Variants in MLC1 observed in about 807,000 individuals in gnomAD.
MLC1 encodes the protein membrane protein MLC1.
A neutral mutation model predicts 44.7 loss-of-function variants in MLC1; 32 were observed. That is an observed-to-expected ratio of 0.72 (90% CI 0.54 to 0.96). MLC1 has a LOEUF of 0.96. MLC1 is among the 40% of genes least tolerant of loss of function. MLC1 has a pLI of 0.00. For missense variants in MLC1, 459 were observed against 492.2 expected, an observed-to-expected ratio of 0.93 and a Z score of 0.64; for synonymous variants, 190 against 213.0, an observed-to-expected ratio of 0.89 and a Z score of 0.94.
intron 7 of MLC1, 34 bp downstream of exon 7, chr22:50,076,807 T>G: frequency 6.2e-7 from 1 of 1,602,610 alleles, no homozygotes; most frequent in African/African-American, 1.3e-5. Context: ...CGACAGAGTA[T>G]GAGAGAAAAG....
In MLC1 at chr22:50,066,517, G is replaced by A. The variant is rs576543177; in HGVS notation, c.894+1916C>T. 2.4e-4 allele frequency among the ~76,000 whole-genome samples: 37 copies of A among 152,250 alleles called. No homozygotes were observed. In the South Asian group the frequency reaches 6.6e-3, roughly 27 times the overall value. On this transcript the variant is annotated intron_variant, in intron 10 of 11. Coordinates refer to ENST00000311597, the MANE Select transcript of MLC1 (RefSeq NM_015166.4). ...TCTGCTAAAAGTACAAAAATTAGCC[G>A]GGTGTGTTGGCATATGCCTGTAATC...
At chr22:50,065,691 G>C (rs187150419) in intron 10 of MLC1, among the ~76,000 whole-genome samples, 6 of 152,322 alleles carry the variant, frequency 3.9e-5, no homozygotes, top group Admixed American at 2.6e-4. Context: ...CACCCTCTGT[G>C]GGGGGCTGTG....
At chr22:50,068,798 C>T (rs1012942052) in intron 9 of MLC1, among the ~76,000 whole-genome samples, 6 of 143,620 alleles carry the variant, frequency 4.2e-5, no homozygotes, top group Non-Finnish European at 3.0e-5. Flanking sequence ...ATGATCTTGG[C>T]TCACTGTAAC....
intron 11 of MLC1, among the ~76,000 whole-genome samples, chr22:50,062,861 G>T (rs1017542152): frequency 1.3e-5 from 2 of 152,218 alleles, no homozygotes; most frequent in East Asian, 1.9e-4. Flanking sequence ...TCGGTGGGGG[G>T]AAGACGCTGA....
chr22:50,084,818 C>T lies in MLC1; in HGVS notation c.85G>A (p.Ala29Thr). 6.2e-7 allele frequency: 1 copy of T among 1,613,986 alleles called. No homozygotes were observed. The highest frequency in any genetic ancestry group is 8.5e-7 in the Non-Finnish European group (1 of 1,180,044). ...ERGRQDPASY[A>T]PDAKPSDLQL... ...AGGTCGCTCGGCTTCGCGTCTGGGG[C>T]ATAGCTGGCGGGGTCTTGCCGGCCC... Residue 29 changes from alanine to threonine, a missense_variant, in exon 2 of 12, where the codon GCC becomes ACC. Coordinates refer to ENST00000311597, the MANE Select transcript of MLC1 (RefSeq NM_015166.4).
chr22:50,063,908 G>T, intron 11 of MLC1, 126 bp downstream of exon 11: 1 of 878,912 alleles, frequency 1.1e-6, no homozygotes, highest in Non-Finnish European at 1.6e-6. Flanking sequence ...CTCCCCGGCT[G>T]GGCACCCCTG....
At chr22:50,080,558 A>C (rs1001752423) in intron 3 of MLC1, among the ~76,000 whole-genome samples, 161 bp from the exon 4 acceptor site, 2 of 152,126 alleles carry the variant, frequency 1.3e-5, no homozygotes, top group Non-Finnish European at 2.9e-5. Context: ...GAAGGCCCCC[A>C]GGTACTTCTC....
At chr22:50,085,549 C>T (rs909932844), upstream of MLC1, 2 of 158,140 alleles carry the variant, frequency 1.3e-5, no homozygotes, top group Non-Finnish European at 2.8e-5. Flanking sequence ...TAAACCACTG[C>T]CTCGGAGCTG....
At position 50,079,945 on chromosome 22, in the gene MLC1, T is replaced by C. The variant is rs778038540; in HGVS notation, c.396A>G (p.Lys132=). 4.3e-6 allele frequency: 7 copies of C among 1,613,792 alleles called. No homozygotes were observed. Among genetic ancestry groups the C allele is most frequent in the Non-Finnish European group, 5.9e-6 (7 of 1,179,810 alleles). The part of the protein sequence containing the change: ...TTTCLIWFGC[K]LVLNPSAINI... ...TTATTGCTGATGGGTTCAGGACTAG[T>C]TTGCATCCAAACCAAATTAAACACG... Residue 132 remains lysine (K), a synonymous_variant, in exon 5 of 12, where the codon AAA becomes AAG. Coordinates refer to ENST00000311597, the MANE Select transcript of MLC1 (RefSeq NM_015166.4).
rs1358488869 is a variant in MLC1 at position 50,068,550 on chromosome 22, C to A, written c.777G>T (p.Glu259Asp). 2.5e-6 allele frequency: 4 copies of A among 1,612,990 alleles called. No individual in the cohort carries two copies. The highest frequency in any genetic ancestry group is 3.4e-6 in the Non-Finnish European group (4 of 1,179,400). The change falls in exon 10 of 12, where the codon GAG (glutamate) becomes GAT (aspartate). Residue 259 changes from glutamate to aspartate, a missense_variant. Coordinates refer to ENST00000311597, the MANE Select transcript of MLC1 (RefSeq NM_015166.4). Reference sequence around the variant, plus strand: ...TGAGGCTGCTTATGGCAATCAGGACCTCCACCTGGAAAAAAAGCGCGGGTT... The same window carrying A: ...TGAGGCTGCTTATGGCAATCAGGACATCCACCTGGAAAAAAAGCGCGGGTT... ...AAECPSKCLV[E>D]VLIAISSLTS... is the part of the protein sequence containing the mutation.
At chr22:50,072,198 C>A (rs995307403) in intron 8 of MLC1, among the ~76,000 whole-genome samples, 1 of 152,222 alleles carries the variant, frequency 6.6e-6, no homozygotes, top group Non-Finnish European at 1.5e-5. Context: ...CCCCGTTCAC[C>A]CAGCATGGCC....
At chr22:50,076,946 C>CA (rs773741723) in intron 6 of MLC1, 34 bp from the exon 7 acceptor site, 2 of 1,612,108 alleles carry the variant, frequency 1.2e-6, no homozygotes, top group Non-Finnish European at 1.7e-6. Context: ...CCCGGGTGCA[C>CA]GGGCACAGGG....
intron 9 of MLC1, among the ~76,000 whole-genome samples, chr22:50,070,224 G>A (rs905577488): frequency 6.6e-6 from 1 of 152,034 alleles, no homozygotes; most frequent in Admixed American, 6.6e-5. Context: ...AAAAACAATC[G>A]ACCAGCCTTA....
rs1459995569 is a variant in MLC1, at chr22:50,060,183, C to T, written c.*1400G>A. ...CAGATCAGAAGGAAAGAAACAAAAC[C>T]ATTGTGAAGGAAAACACCTGCTGGA... On this transcript the variant is annotated 3_prime_UTR_variant, in exon 12 of 12. Transcript: ENST00000311597. The T allele has an allele frequency of 6.6e-6, 1 of 152,382 alleles. No homozygotes were observed. Among genetic ancestry groups the T allele is most frequent in the East Asian group, 1.9e-4 (1 of 5,332 alleles). 9.4% of individuals were successfully genotyped at this position (152,382 alleles called of 1,614,324 possible). A position where few individuals can be genotyped will look rare whatever the true frequency, so the allele number is the denominator to read the frequency against.
At position 50,083,410 on chromosome 22, in the gene MLC1, C is replaced by G. The variant is rs1452554117; in HGVS notation, c.178-237G>C. On this transcript the variant is annotated intron_variant, in intron 2 of 11. Transcript: ENST00000311597. The surrounding 1 kb of genome is among the most constrained non-coding windows in gnomAD (Gnocchi z 4.6). ...CCAGCCATGTCGGAGCATGGACCCCCCACGCTGTTATCTGGAGGAGAGAAG... is the reference window on the plus strand; with the variant it reads ...CCAGCCATGTCGGAGCATGGACCCCGCACGCTGTTATCTGGAGGAGAGAAG... Among the ~76,000 whole-genome samples the G allele has an allele frequency of 2.6e-5, 4 of 152,150 alleles. No individual in the cohort carries two copies. The East Asian group carries it at 7.7e-4, about 29-fold the overall frequency.
intron 9 of MLC1, among the ~76,000 whole-genome samples, chr22:50,068,929 G>T (rs7510819): frequency 6.6e-6 from 1 of 151,504 alleles, no homozygotes; most frequent in African/African-American, 2.4e-5. Flanking sequence ...GTTTTGCCAC[G>T]TTGGTCAGGC....
chr22:50,062,941 G>C (rs1433211813), intron 11 of MLC1, among the ~76,000 whole-genome samples: 1 of 152,224 alleles, frequency 6.6e-6, no homozygotes, highest in East Asian at 1.9e-4. Flanking sequence ...TTCAGGCAGT[G>C]ACAGCCAGAA....
At chr22:50,068,225 A>G (rs557037555) in intron 10 of MLC1, among the ~76,000 whole-genome samples, 2 of 152,206 alleles carry the variant, frequency 1.3e-5, no homozygotes, top group African/African-American at 4.8e-5. Flanking sequence ...GTGGCCCCAG[A>G]TACAGGGCGG....
At position 50,060,128 on chromosome 22, in the gene MLC1, G is replaced by A. The variant is rs1227279739; in HGVS notation, c.*1455C>T. Reference sequence around the variant, plus strand: ...TGGGGGACCAGTCAATACACCCCACGGCGGTGAAGAGAAAACGTTCATGTC... The same window carrying A: ...TGGGGGACCAGTCAATACACCCCACAGCGGTGAAGAGAAAACGTTCATGTC... On this transcript the variant is annotated 3_prime_UTR_variant, in exon 12 of 12. Coordinates refer to ENST00000311597, the MANE Select transcript of MLC1 (RefSeq NM_015166.4). The A allele has an allele frequency of 3.9e-5, 6 of 152,374 alleles. No homozygotes were observed. The highest frequency in any genetic ancestry group is 7.3e-5 in the Non-Finnish European group (5 of 68,064). The allele number at this position is 152,374 out of a possible 1,614,324, so 9.4% of individuals were successfully genotyped here. A position where few individuals can be genotyped will look rare whatever the true frequency, so the allele number is the denominator to read the frequency against.
Sources: gnomAD v4.1 joint callset for allele counts (sites outside exome capture counted in the v4.1 genomes callset) on GRCh38, gnomAD v4.1.1 for gene constraint, Gnocchi (gnomAD v3.1) non-coding constraint, MANE v1.5 for transcripts, NCBI Gene and HGNC (gene_info 2026-07-23, HGNC 2026-07-21) for gene names.